COL8A2: variants seen among roughly 807,000 people sequenced by gnomAD.
COL8A2 encodes collagen alpha-2(VIII) chain.
Under a neutral mutation model 24.0 loss-of-function variants are expected in COL8A2, and 16 were observed. The ratio of observed to expected loss-of-function variants is 0.67; its 90% CI spans 0.45 to 1.01. The LOEUF (loss-of-function observed/expected upper bound fraction) is 1.01. Among genes scored for constraint, COL8A2 ranks in the 50% least tolerant of loss-of-function variants. The pLI is 0.00. For missense variants in COL8A2, 818 were observed against 942.4 expected (o/e 0.87, Z 1.73); for synonymous variants, 466 against 424.5 (o/e 1.10, Z -1.20).
chr1:36,103,342 G>T (rs985490125), intron 2 of COL8A2, among the ~76,000 whole-genome samples: 1 of 151,584 alleles, frequency 6.6e-6, no homozygotes, highest in Non-Finnish European at 1.5e-5. Context: ...GTGTGATCTC[G>T]GCTCACTGCA....
rs1643598531 is a variant in COL8A2 at position 36,097,941 on chromosome 1, C to T, written c.1740G>A (p.Val580=). 1 of 1,610,368 alleles carries T rather than the reference C, an allele frequency of 6.2e-7. No homozygotes were observed. Among genetic ancestry groups the T allele is most frequent in the African/African-American group, 1.3e-5 (1 of 75,062 alleles). Residue 580 remains valine (V), a synonymous_variant, in exon 4 of 4, where the codon GTG becomes GTA. Transcript: ENST00000397799. ...SAHATPAFTA[V]LTSPFPASGM... ...CCGAGGCGGGGAAGGGCGAGGTGAGCACCGCAGTGAAGGCCGGTGTGGCAT... is the reference window on the plus strand; with the variant it reads ...CCGAGGCGGGGAAGGGCGAGGTGAGTACCGCAGTGAAGGCCGGTGTGGCAT...
chr1:36,114,911 C>T (rs1448190720), intron 2 of COL8A2, among the ~76,000 whole-genome samples: 1 of 152,172 alleles, frequency 6.6e-6, no homozygotes, highest in Non-Finnish European at 1.5e-5. Context: ...GTGACCAAGC[C>T]CCTGGCCTCT....
chr1:36,116,789 G>C (rs1003010785), intron 1 of COL8A2, among the ~76,000 whole-genome samples: 7 of 152,214 alleles, frequency 4.6e-5, no homozygotes, highest in Non-Finnish European at 1.0e-4. Flanking sequence ...GCAACATGGT[G>C]AGGAAATCTG....
Position 36,111,310 on chromosome 1 carries a change from G to A in COL8A2, c.-17+4398C>T, listed in dbSNP as rs578236623. 4.6e-5 allele frequency among the ~76,000 whole-genome samples: 7 copies of A among 152,072 alleles called. No individual in the cohort carries two copies. The East Asian group carries it at 5.8e-4, about 13-fold the overall frequency. On this transcript the variant is annotated intron_variant, in intron 2 of 3. Transcript: ENST00000397799. ...CACTCCCCCTCCACCCTCTCACCTCGGGGTGCTCCACCTTGTCACTCTGCT... is the reference window on the plus strand; with the variant it reads ...CACTCCCCCTCCACCCTCTCACCTCAGGGTGCTCCACCTTGTCACTCTGCT...
At chr1:36,105,819 C>G (rs1352529835) in intron 2 of COL8A2, among the ~76,000 whole-genome samples, 1 of 151,600 alleles carries the variant, frequency 6.6e-6, no homozygotes, top group Non-Finnish European at 1.5e-5. Flanking sequence ...CTTGGTGGCG[C>G]GGGTCTGTAG....
intron 2 of COL8A2, among the ~76,000 whole-genome samples, chr1:36,108,415 G>A (rs1187683448): frequency 1.3e-5 from 2 of 152,200 alleles, no homozygotes; most frequent in African/African-American, 2.4e-5. Context: ...CACCCTCTCT[G>A]GTGACCCCTT....
intron 2 of COL8A2, among the ~76,000 whole-genome samples, chr1:36,111,982 CTGT>C (rs1024536804): frequency 6.6e-6 from 1 of 152,100 alleles, no homozygotes; most frequent in African/African-American, 2.4e-5. Context: ...AGCATCACTT[CTGT>C]TGTTGTTTAT....
chr1:36,105,471 G>A (rs1643744271), intron 2 of COL8A2, among the ~76,000 whole-genome samples: 1 of 152,226 alleles, frequency 6.6e-6, no homozygotes, highest in Non-Finnish European at 1.5e-5. Flanking sequence ...CTCGCCCAGA[G>A]CCTCCCCTCA....
At position 36,114,868 on chromosome 1, in the gene COL8A2, T is replaced by C. The variant is rs274135; in HGVS notation, c.-17+840A>G. Among the ~76,000 whole-genome samples, 656 of 70,284 alleles carry C rather than the reference T, an allele frequency of 9.3e-3. 8 individuals are homozygous for C. The highest frequency in any genetic ancestry group is 0.034 in the African/African-American group (594 of 17,452). The allele number at this position is 70,284 out of a possible 152,430, so 46.1% of individuals were successfully genotyped here. ...TCCTGAGTCCTTCTTGGTTCTGGGC[T>C]GGAGGGGGCTTGGACCGAACTCCCT... On this transcript the variant is annotated intron_variant, in intron 2 of 3. Coordinates refer to ENST00000397799, the MANE Select transcript of COL8A2 (RefSeq NM_005202.4).
In COL8A2 at chr1:36,115,463, C is replaced by T. The variant is rs1278959937; in HGVS notation, c.-17+245G>A. Among the ~76,000 whole-genome samples, 2 of 152,238 alleles carry T rather than the reference C, an allele frequency of 1.3e-5. No homozygotes were observed. Among genetic ancestry groups the T allele is most frequent in the East Asian group, 1.9e-4 (1 of 5,162 alleles). ...GCACCCAGGCTGGGCCAAGCAAACACGGCCCCGCCAAGGAGCCAGGCGAAA... is the reference window on the plus strand; with the variant it reads ...GCACCCAGGCTGGGCCAAGCAAACATGGCCCCGCCAAGGAGCCAGGCGAAA... On this transcript the variant is annotated intron_variant, in intron 2 of 3. Coordinates refer to ENST00000397799, the MANE Select transcript of COL8A2 (RefSeq NM_005202.4). The surrounding 1 kb of genome is among the most constrained non-coding windows in gnomAD (Gnocchi z 5.7).
chr1:36,125,194 T>C lies in COL8A2; in HGVS notation c.-199A>G. The C allele has an allele frequency of 2.7e-6, 1 of 371,166 alleles. No homozygotes were observed. The highest frequency in any genetic ancestry group is 2.2e-5 in the African/African-American group (1 of 45,390). 23.0% of individuals were successfully genotyped at this position (371,166 alleles called of 1,614,324 possible). On this transcript the variant is annotated 5_prime_UTR_variant, in exon 1 of 4. Coordinates refer to ENST00000397799, the MANE Select transcript of COL8A2 (RefSeq NM_005202.4). The surrounding 1 kb of genome is among the most constrained non-coding windows in gnomAD (Gnocchi z 4.5). ...GCGCCGGCGGGGTTCCGCGTCGCTC[T>C]GCCGGCCGCCCCTCGCGGCTGCCGG...
chr1:36,103,552 C>T (rs1437268212), intron 2 of COL8A2, among the ~76,000 whole-genome samples: 1 of 152,052 alleles, frequency 6.6e-6, no homozygotes, highest in Non-Finnish European at 1.5e-5. Flanking sequence ...GGATTGCAGG[C>T]GTGAGGCCCA....
At chr1:36,107,867 A>T (rs987873256) in intron 2 of COL8A2, among the ~76,000 whole-genome samples, 1 of 151,288 alleles carries the variant, frequency 6.6e-6, no homozygotes, top group East Asian at 2.0e-4. Context: ...GCCTCTGTAC[A>T]TTCTGCCCTC....
intron 2 of COL8A2, among the ~76,000 whole-genome samples, chr1:36,109,410 C>T (rs966722011): frequency 3.3e-5 from 5 of 152,130 alleles, no homozygotes; most frequent in Non-Finnish European, 7.4e-5. Flanking sequence ...GGGACCCATC[C>T]CTGAGACCTC....
chr1:36,098,403 C>T lies in COL8A2; in HGVS notation c.1278G>A (p.Lys426=). 6.3e-7 allele frequency: 1 copy of T among 1,578,676 alleles called. No homozygotes were observed. Among genetic ancestry groups the T allele is most frequent in the Non-Finnish European group, 8.6e-7 (1 of 1,162,658 alleles). The change falls in exon 4 of 4, where the codon AAG becomes AAA. Residue 426 remains lysine (K), a synonymous_variant. Transcript: ENST00000397799. ...AHGPPGPTGP[K]GEPGFTGRPG... Reference sequence around the variant, plus strand: ...GGCGACCCGTGAAACCCGGCTCACCCTTGGGCCCAGTTGGTCCAGGGGGTC... The same window carrying T: ...GGCGACCCGTGAAACCCGGCTCACCTTTGGGCCCAGTTGGTCCAGGGGGTC...
intron 1 of COL8A2, among the ~76,000 whole-genome samples, chr1:36,119,966 G>C (rs1643898276): frequency 6.6e-6 from 1 of 152,096 alleles, no homozygotes; most frequent in Admixed American, 6.5e-5. Context: ...GAGACCAGAG[G>C]CCAGGACCCC....
intron 2 of COL8A2, among the ~76,000 whole-genome samples, chr1:36,114,278 C>T (rs1405444659): frequency 6.8e-6 from 1 of 147,388 alleles, no homozygotes; most frequent in East Asian, 2.0e-4. Flanking sequence ...AAGATCGCAC[C>T]ACTGCACTCT....
intron 1 of COL8A2, among the ~76,000 whole-genome samples, chr1:36,117,426 GGA>G (rs927046488): frequency 6.6e-5 from 10 of 152,216 alleles, no homozygotes; most frequent in African/African-American, 2.4e-4. Context: ...GGTTGGTAGT[GGA>G]GAGAGGTGAT....
rs371241089 is a variant in COL8A2, at chr1:36,100,085, C to T, written c.158G>A (p.Gly53Glu). 4.3e-6 allele frequency: 7 copies of T among 1,611,910 alleles called. No individual in the cohort carries two copies. Among genetic ancestry groups the T allele is most frequent in the Non-Finnish European group, 5.9e-6 (7 of 1,178,480 alleles). Reference sequence around the variant, plus strand: ...GCCTTTGCCCTCACGGAAGGGCGGTCCCACAGGTCCTTTCTGCATGGGCTG... The same window carrying T: ...GCCTTTGCCCTCACGGAAGGGCGGTTCCACAGGTCCTTTCTGCATGGGCTG... The part of the protein sequence containing the change: ...YIQPMQKGPV[G>E]PPFREGKGQY... Residue 53 changes from glycine to glutamate, a missense_variant, in exon 3 of 4, where the codon GGA (glycine) becomes GAA (glutamate). Transcript: ENST00000397799.
Sources: gnomAD v4.1 joint callset for allele counts (sites outside exome capture counted in the v4.1 genomes callset) on GRCh38, gnomAD v4.1.1 for gene constraint, Gnocchi (gnomAD v3.1) non-coding constraint, MANE v1.5 for transcripts, NCBI Gene and HGNC (gene_info 2026-07-23, HGNC 2026-07-21) for gene names.